OARD1: variants seen among roughly 807,000 people sequenced by gnomAD.
OARD1 encodes the protein ADP-ribose glycohydrolase OARD1.
Under a neutral mutation model 19.7 loss-of-function variants are expected in OARD1, and 19 were observed. That is an observed-to-expected ratio of 0.96 (90% CI 0.67 to 1.41). The LOEUF (loss-of-function observed/expected upper bound fraction) is 1.41, where lower values mean the gene tolerates loss of function less well. Ranked by LOEUF, OARD1 falls within the 40% of genes most tolerant of loss-of-function variation. The pLI is 0.00. For missense variants in OARD1, 190 were observed against 183.8 expected, an observed-to-expected ratio of 1.03 and a Z score of -0.20; for synonymous variants, 70 against 61.8, an observed-to-expected ratio of 1.13 and a Z score of -0.62.
chr6:41,097,319 G>A (rs745470122), intron 1 of OARD1: 23 of 1,608,024 alleles, frequency 1.4e-5, no homozygotes, highest in Non-Finnish European at 1.9e-5. Flanking sequence ...TGTTGCTTTT[G>A]CAAAGGACTT....
chr6:41,090,448 T>G, intron 1 of OARD1: 2 of 565,262 alleles, frequency 3.5e-6, no homozygotes, highest in Non-Finnish European at 6.5e-6. Context: ...TTCCTCTAGC[T>G]CTCCATTGAT....
intron 1 of OARD1, among the ~76,000 whole-genome samples, chr6:41,089,267 A>G (rs919539891): frequency 6.6e-6 from 1 of 152,212 alleles, no homozygotes; most frequent in Non-Finnish European, 1.5e-5. Context: ...TACAGGCGTG[A>G]GCCACCACAC....
At chr6:41,080,888 C>T in intron 1 of OARD1, 2 of 1,613,704 alleles carry the variant, frequency 1.2e-6, no homozygotes, top group Non-Finnish European at 1.7e-6. Context: ...AAGTCCAGAC[C>T]CTCCAGGTAG....
rs182943870 is a variant in OARD1 at position 41,095,711 on chromosome 6, G to A, written c.-42+2002C>T. 1.3e-4 allele frequency among the ~76,000 whole-genome samples: 20 copies of A among 152,290 alleles called. No individual in the cohort carries two copies. The South Asian group carries it at 3.9e-3, about 30-fold the overall frequency. The stretch of plus-strand genomic sequence containing the variant: ...CTCCCAAAGTGCTAGGATTACAGGC[G>A]CACACCATTGCACTTGGCCCTTTTC... On this transcript the variant is annotated intron_variant, in intron 1 of 4. Transcript: ENST00000480585.
chr6:41,091,380 G>T, intron 1 of OARD1: 1 of 687,938 alleles, frequency 1.5e-6, no homozygotes. Context: ...CACCACAGTG[G>T]GAGAGTACTT....
chr6:41,066,703 A>T lies in OARD1; in HGVS notation c.*632T>A, dbSNP rs11556586. The T allele has an allele frequency of 0.033, 5,066 of 152,166 alleles. 120 individuals are homozygous for T. Among genetic ancestry groups the T allele is most frequent in the Non-Finnish European group, 0.053 (3,631 of 67,988 alleles). 9.4% of individuals were successfully genotyped at this position (152,166 alleles called of 1,614,324 possible). ...TCACTTTGCTTCTCCTCCCGCTTGG[A>T]CCCTTTGTCTGACTGTTTGAAATTA... On this transcript the variant is annotated 3_prime_UTR_variant, in exon 6 of 6. Transcript: ENST00000424266.
upstream of OARD1, chr6:41,073,211 C>G (rs888504651): frequency 5.9e-5 from 9 of 151,970 alleles, no homozygotes; most frequent in Middle Eastern, 3.4e-3. Flanking sequence ...TGAGCCTAGC[C>G]GAGCCGGGCG....
At chr6:41,082,442 T>G (rs980037178) in intron 1 of OARD1, among the ~76,000 whole-genome samples, 3 of 152,246 alleles carry the variant, frequency 2.0e-5, no homozygotes, top group Non-Finnish European at 4.4e-5. Context: ...CATGTGTCTT[T>G]GTAACATTTT....
chr6:41,070,790 G>A (rs924849156), intron 3 of OARD1: 11 of 506,732 alleles, frequency 2.2e-5, no homozygotes, highest in African/African-American at 9.8e-5. Flanking sequence ...GGAAGAAGAG[G>A]TTTCTAAATT....
At position 41,067,262 on chromosome 6, in the gene OARD1, T is replaced by C; in HGVS notation, c.*73A>G. ...AAACTTTCCTCTGCCTATTTTAAGG[T>C]AGGTTTGCCCGGTCCTATGGCCCAG... On this transcript the variant is annotated 3_prime_UTR_variant, in exon 6 of 6. Transcript: ENST00000424266. The C allele has an allele frequency of 1.2e-6, 1 of 861,676 alleles. No individual in the cohort carries two copies. Among genetic ancestry groups the C allele is most frequent in the East Asian group, 2.5e-5 (1 of 39,960 alleles). The allele number at this position is 861,676 out of a possible 1,614,324, so 53.4% of individuals were successfully genotyped here. A position where few individuals can be genotyped will look rare whatever the true frequency, so the allele number is the denominator to read the frequency against.
At chr6:41,082,085 T>A (rs1763925865) in intron 1 of OARD1, among the ~76,000 whole-genome samples, 1 of 152,192 alleles carries the variant, frequency 6.6e-6, no homozygotes, top group Non-Finnish European at 1.5e-5. Flanking sequence ...CAAAGTAGAA[T>A]CTAGAATGTA....
chr6:41,071,055 G>A (rs762494028), intron 3 of OARD1, 77 bp downstream of exon 3: 8 of 1,392,884 alleles, frequency 5.7e-6, no homozygotes, highest in South Asian at 2.3e-5. Flanking sequence ...CTCTTTACAC[G>A]CATATTTTAT....
At chr6:41,080,415 C>G (rs1763874092) in intron 1 of OARD1, among the ~76,000 whole-genome samples, 1 of 152,044 alleles carries the variant, frequency 6.6e-6, no homozygotes. Context: ...TGCATTTAAG[C>G]CCAGAATTTT....
intron 1 of OARD1, among the ~76,000 whole-genome samples, chr6:41,084,968 AAG>A (rs1025960993): frequency 2.6e-5 from 4 of 152,248 alleles, no homozygotes; most frequent in Non-Finnish European, 4.4e-5. Flanking sequence ...CTCAAAAAAA[AAG>A]AAGAGATTAA....
intron 1 of OARD1, among the ~76,000 whole-genome samples, chr6:41,078,842 A>G (rs920547792): frequency 6.6e-6 from 1 of 152,242 alleles, no homozygotes; most frequent in Non-Finnish European, 1.5e-5. Flanking sequence ...AAACGTGAAA[A>G]TAGCATTATG....
upstream of OARD1, among the ~76,000 whole-genome samples, chr6:41,077,454 C>A (rs1264269557): frequency 6.6e-6 from 1 of 152,156 alleles, no homozygotes; most frequent in Non-Finnish European, 1.5e-5. Flanking sequence ...CTCTAGATTA[C>A]TGATGTCTTT....
rs1582035742 is a variant in OARD1, at chr6:41,092,785, A to G, written c.-42+4928T>C. On this transcript the variant is annotated intron_variant, in intron 1 of 4. Coordinates refer to the OARD1 transcript ENST00000480585. Reference sequence around the variant, plus strand: ...TAAATTTCTCCAGGGATCCGCATTTACCCAAGTACCCTATAAAAATTACTT... The same window carrying G: ...TAAATTTCTCCAGGGATCCGCATTTGCCCAAGTACCCTATAAAAATTACTT... 7.1e-6 allele frequency: 6 copies of G among 842,990 alleles called. No homozygotes were observed. The East Asian group carries it at 1.6e-4, about 22-fold the overall frequency. 52.2% of individuals were successfully genotyped at this position (842,990 alleles called of 1,614,324 possible).
chr6:41,092,746 G>A (rs1399700978), intron 1 of OARD1, among the ~76,000 whole-genome samples: 1 of 152,104 alleles, frequency 6.6e-6, no homozygotes, highest in East Asian at 1.9e-4. Context: ...TGTTTAAAGT[G>A]CAGATCTTTA....
intron 1 of OARD1, chr6:41,079,015 C>A (rs1433257284): frequency 2.2e-6 from 3 of 1,349,530 alleles, no homozygotes; most frequent in Non-Finnish European, 3.1e-6. Context: ...TTTCTTTCCC[C>A]ACCTTTCTAA....
Sources: gnomAD v4.1 joint callset for allele counts (sites outside exome capture counted in the v4.1 genomes callset) on GRCh38, gnomAD v4.1.1 for gene constraint, MANE v1.5 for transcripts, NCBI Gene and HGNC (gene_info 2026-07-23, HGNC 2026-07-21) for gene names.